ZNF346: variants seen among roughly 807,000 people sequenced by gnomAD.
ZNF346 encodes double-stranded RNA-binding zinc finger protein JAZ.
ZNF346 carries 23 observed loss-of-function variants against 33.7 expected under a neutral mutation model. The ratio of observed to expected loss-of-function variants is 0.68; its 90% CI spans 0.49 to 0.97. The LOEUF (loss-of-function observed/expected upper bound fraction) is 0.97, where lower values mean the gene tolerates loss of function less well. ZNF346 is among the 50% of genes least tolerant of loss of function. The pLI is 0.00. For missense variants in ZNF346, 340 were observed against 371.1 expected (o/e 0.92, Z 0.69); for synonymous variants, 134 against 142.4 (o/e 0.94, Z 0.42).
At chr5:177,044,668 C>A in intron 4 of ZNF346, 135 bp downstream of exon 4, 1 of 895,320 alleles carries the variant, frequency 1.1e-6, no homozygotes, top group Non-Finnish European at 1.7e-6. Flanking sequence ...CCTTAAAAAT[C>A]TCCAAGTAGA....
intron 8 of ZNF346, among the ~76,000 whole-genome samples, chr5:177,076,140 A>G (rs1273144990): frequency 1.3e-5 from 2 of 152,236 alleles, no homozygotes; most frequent in East Asian, 1.9e-4. Flanking sequence ...CTAATAGAAT[A>G]AGACAGAAGT....
chr5:177,055,222 C>T (rs552601396), intron 5 of ZNF346, among the ~76,000 whole-genome samples: 1 of 151,812 alleles, frequency 6.6e-6, no homozygotes, highest in Non-Finnish European at 1.5e-5. Flanking sequence ...TTAGTAGAGA[C>T]GGAGTTTCAT....
At chr5:177,048,790 T>TC (rs1314991502) in intron 4 of ZNF346, among the ~76,000 whole-genome samples, 15 of 150,060 alleles carry the variant, frequency 1.0e-4, no homozygotes, top group African/African-American at 3.4e-4. Context: ...TTTTTTTCTT[T>TC]TTTTTTTTTT....
At chr5:177,043,474 C>T (rs957668341) in intron 3 of ZNF346, among the ~76,000 whole-genome samples, 2 of 151,966 alleles carry the variant, frequency 1.3e-5, no homozygotes, top group Non-Finnish European at 2.9e-5. Context: ...ACAAGTAGAA[C>T]GCAATGGGAG....
chr5:177,075,479 A>G (rs962139255), intron 8 of ZNF346, among the ~76,000 whole-genome samples: 10 of 152,188 alleles, frequency 6.6e-5, no homozygotes, highest in African/African-American at 2.4e-4. Flanking sequence ...TTTCTACCCT[A>G]TATCCCCTAA....
intron 6 of ZNF346, 36 bp downstream of exon 6, chr5:177,062,187 G>T: frequency 6.4e-7 from 1 of 1,571,914 alleles, no homozygotes; most frequent in Non-Finnish European, 8.8e-7. Context: ...AGGATCCATA[G>T]CAGGAGCTCA....
chr5:177,037,946 C>G (rs1778744888), intron 1 of ZNF346, among the ~76,000 whole-genome samples: 1 of 152,182 alleles, frequency 6.6e-6, no homozygotes, highest in Non-Finnish European at 1.5e-5. Context: ...CACCATATTC[C>G]AGGCATAGTG....
At chr5:177,048,082 C>G (rs1780338218) in intron 4 of ZNF346, among the ~76,000 whole-genome samples, 1 of 152,080 alleles carries the variant, frequency 6.6e-6, no homozygotes, top group African/African-American at 2.4e-5. Context: ...ATCTCCCCAC[C>G]CCCCACTTTT....
At chr5:177,032,542 G>A (rs1777880188) in intron 1 of ZNF346, among the ~76,000 whole-genome samples, 1 of 151,874 alleles carries the variant, frequency 6.6e-6, no homozygotes, top group South Asian at 2.1e-4. Context: ...TGCTGAGTTA[G>A]CTGGGATTAC....
rs1261864081 is a variant in ZNF346, at chr5:177,067,848, T to A, written c.*3249T>A. Among the ~76,000 whole-genome samples the A allele has an allele frequency of 6.6e-6, 1 of 152,274 alleles. No individual in the cohort carries two copies. The highest frequency in any genetic ancestry group is 1.9e-4 in the East Asian group (1 of 5,178). On this transcript the variant is annotated 3_prime_UTR_variant, in exon 7 of 7. Transcript: ENST00000358149. ...GGCCAGGCAGGGTGGCTCACATCTG[T>A]AATCCCAGCACTTTGGGAGGCCAAG...
intron 5 of ZNF346, among the ~76,000 whole-genome samples, 191 bp from the exon 6 acceptor site, chr5:177,061,867 A>T (rs767722039): frequency 6.6e-6 from 1 of 152,050 alleles, no homozygotes; most frequent in Non-Finnish European, 1.5e-5. Flanking sequence ...GATCTTCCCA[A>T]CCCCAGGAAG....
chr5:177,067,286 A>G lies in ZNF346; in HGVS notation c.*2687A>G, dbSNP rs1783258759. Among the ~76,000 whole-genome samples, 2 of 152,180 alleles carry G rather than the reference A, an allele frequency of 1.3e-5. No individual in the cohort carries two copies. The highest frequency in any genetic ancestry group is 2.4e-5 in the African/African-American group (1 of 41,462). ...AAATTTAAAAAAAGAAAGGAATGTT[A>G]TGGCCTCAAGAGCTCTTTGTCCATC... On this transcript the variant is annotated 3_prime_UTR_variant, in exon 7 of 7. Transcript: ENST00000358149.
At chr5:177,044,612 C>T (rs775149103) in intron 4 of ZNF346, 79 bp downstream of exon 4, 43 of 1,459,128 alleles carry the variant, frequency 2.9e-5, no homozygotes, top group Non-Finnish European at 3.9e-5. Flanking sequence ...CACAGAGATC[C>T]TCACTGAGGC....
chr5:177,061,469 AGAAAG>A (rs1435183301), intron 5 of ZNF346, among the ~76,000 whole-genome samples: 1 of 152,218 alleles, frequency 6.6e-6, no homozygotes, highest in African/African-American at 2.4e-5. Flanking sequence ...AAGGATCAGA[AGAAAG>A]GAAAGGATCT....
chr5:177,050,861 A>T lies in ZNF346; in HGVS notation c.628A>T (p.Arg210Ter). 6.2e-7 allele frequency: 1 copy of T among 1,614,208 alleles called. No individual in the cohort carries two copies. Among genetic ancestry groups the T allele is most frequent in the Non-Finnish European group, 8.5e-7 (1 of 1,180,042 alleles). The change falls in exon 5 of 7, where the codon AGA (arginine) becomes TGA (stop). Residue 210 changes from arginine (R) to a stop codon, truncating the protein, a stop_gained. Coordinates refer to ENST00000358149, the MANE Select transcript of ZNF346 (RefSeq NM_012279.4). LOFTEE classifies it high-confidence loss of function. ...ACAACATTATGTGGGCAAGAAACAC[A>T]GAAAACAGGAGACCAAGCTCAAACT... ...AQQHYVGKKH[R>*]KQETKLKLMA...
Position 177,067,956 on chromosome 5 carries a change from A to T in ZNF346, c.*3357A>T, listed in dbSNP as rs1270365017. Among the ~76,000 whole-genome samples, 1 of 152,178 alleles carries T rather than the reference A, an allele frequency of 6.6e-6. No homozygotes were observed. The highest frequency in any genetic ancestry group is 1.5e-5 in the Non-Finnish European group (1 of 68,032). ...CCCATCTCTACAAAAAATAAAAAATAAAATAAATAAAAACCATGGAGAGAA... is the reference window on the plus strand; with the variant it reads ...CCCATCTCTACAAAAAATAAAAAATTAAATAAATAAAAACCATGGAGAGAA... On this transcript the variant is annotated 3_prime_UTR_variant, in exon 7 of 7. Transcript: ENST00000358149.
chr5:177,038,256 G>GTTTTTTTTTTT (rs748931641), intron 1 of ZNF346, among the ~76,000 whole-genome samples: 1 of 132,268 alleles, frequency 7.6e-6, no homozygotes, highest in Non-Finnish European at 1.6e-5. Context: ...GCCCAACTAC[G>GTTTTTTTTTTT]TTTTTTTTTT....
chr5:177,028,963 CCCT>C (rs1777287308), intron 1 of ZNF346, among the ~76,000 whole-genome samples: 1 of 151,864 alleles, frequency 6.6e-6, no homozygotes, highest in Non-Finnish European at 1.5e-5. Flanking sequence ...TCGTAATCTG[CCCT>C]CCTCGGCCTC....
At chr5:177,071,327 G>T (rs1402809518), downstream of ZNF346, among the ~76,000 whole-genome samples, 2 of 151,152 alleles carry the variant, frequency 1.3e-5, no homozygotes, top group East Asian at 3.9e-4. Context: ...TTGAGCCCAG[G>T]AGTTCAAATC....
Sources: allele counts gnomAD v4.1 joint callset (sites outside exome capture counted in the v4.1 genomes callset), GRCh38; gene constraint gnomAD v4.1.1; transcripts MANE v1.5; gene names NCBI Gene and HGNC (gene_info 2026-07-23, HGNC 2026-07-21).